The following RNFT2 variants were observed in gnomAD, a reference collection of about 807,000 sequenced individuals.
RNFT2 encodes the protein ring finger protein, transmembrane 2.
Under a neutral mutation model 53.0 loss-of-function variants are expected in RNFT2, and 36 were observed. The ratio of observed to expected loss-of-function variants is 0.68; its 90% CI spans 0.52 to 0.90. The LOEUF (loss-of-function observed/expected upper bound fraction) is 0.90, where lower values mean the gene tolerates loss of function less well. RNFT2 is among the 40% of genes least tolerant of loss of function. The probability of loss-of-function intolerance (pLI) is 0.00; values close to 1 mark genes in which losing one functional copy is unlikely to be tolerated. For missense variants in RNFT2, 514 were observed against 585.6 expected (o/e 0.88, Z 1.26); for synonymous variants, 260 against 253.2 (o/e 1.03, Z -0.26).
intron 3 of RNFT2, among the ~76,000 whole-genome samples, chr12:116,742,613 T>C (rs9669021): frequency 6.6e-6 from 1 of 151,988 alleles, no homozygotes; most frequent in African/African-American, 2.4e-5. Flanking sequence ...CCTAGATGAT[T>C]TAGGACAGGA....
At chr12:116,741,875 T>C (rs957360923) in intron 3 of RNFT2, among the ~76,000 whole-genome samples, 1 of 152,172 alleles carries the variant, frequency 6.6e-6, no homozygotes, top group Non-Finnish European at 1.5e-5. Context: ...GGCCTCAAAC[T>C]CCTGGGCTCA....
chr12:116,767,255 T>C (rs1872958757), intron 6 of RNFT2, among the ~76,000 whole-genome samples: 1 of 152,212 alleles, frequency 6.6e-6, no homozygotes, highest in Non-Finnish European at 1.5e-5. Context: ...AGGATCTCAC[T>C]GCATCACCCA....
intron 3 of RNFT2, among the ~76,000 whole-genome samples, chr12:116,741,743 G>T (rs1871618142): frequency 6.6e-6 from 1 of 152,110 alleles, no homozygotes; most frequent in African/African-American, 2.4e-5. Context: ...CCAAATCCTA[G>T]GCTCAAGCAA....
rs1877868686 is a variant in RNFT2, at chr12:116,850,585, C to G, written c.*1137C>G. 6.6e-6 allele frequency: 1 copy of G among 150,942 alleles called. No individual in the cohort carries two copies. Among genetic ancestry groups the G allele is most frequent in the South Asian group, 2.1e-4 (1 of 4,792 alleles). The allele number at this position is 150,942 out of a possible 1,614,324, so 9.4% of individuals were successfully genotyped here. ...AGCCCAGGCCTGCAGATTAGAATCC[C>G]TGTGAGCCCTGTGAAGTATTTTTTC... is the stretch of plus-strand genomic sequence containing the variant. On this transcript the variant is annotated 3_prime_UTR_variant, in exon 11 of 11. Coordinates refer to ENST00000257575, the MANE Select transcript of RNFT2 (RefSeq NM_001382266.1).
chr12:116,771,316 C>G (rs1429268688), intron 6 of RNFT2, among the ~76,000 whole-genome samples: 1 of 151,406 alleles, frequency 6.6e-6, no homozygotes, highest in African/African-American at 2.4e-5. Flanking sequence ...AAAAATTAGC[C>G]GGGCATGGTG....
Position 116,750,383 on chromosome 12 carries a change from C to T in RNFT2, c.550+76C>T, listed in dbSNP as rs538687287. The T allele has an allele frequency of 2.2e-5, 31 of 1,401,044 alleles. No individual in the cohort carries two copies. In the South Asian group the frequency reaches 3.5e-4, roughly 16 times the overall value. 86.8% of individuals were successfully genotyped at this position (1,401,044 alleles called of 1,614,324 possible). A position where few individuals can be genotyped will look rare whatever the true frequency, so the allele number is the denominator to read the frequency against. The stretch of plus-strand genomic sequence containing the variant: ...GCCTGCAGCCGGTGGGGTGGGGGCT[C>T]CTCCTCTGAAGCCCAGGGAGAGGCA... On this transcript the variant is annotated intron_variant, in intron 4 of 10. Coordinates refer to ENST00000257575, the MANE Select transcript of RNFT2 (RefSeq NM_001382266.1).
intron 7 of RNFT2, among the ~76,000 whole-genome samples, chr12:116,785,117 C>T (rs1873871104): frequency 6.6e-6 from 1 of 152,132 alleles, no homozygotes; most frequent in African/African-American, 2.4e-5. Flanking sequence ...CCTCCTGTCT[C>T]GGCCTCTTGC....
chr12:116,806,382 ATATAT>A (rs1333008121), intron 7 of RNFT2, among the ~76,000 whole-genome samples: 345 of 126,682 alleles, frequency 2.7e-3, no homozygotes, highest in African/African-American at 0.011. Context: ...AAAAAAAAAA[ATATAT>A]ATATATATAT....
intron 7 of RNFT2, among the ~76,000 whole-genome samples, chr12:116,790,669 C>T (rs1475049493): frequency 6.6e-6 from 1 of 152,112 alleles, no homozygotes; most frequent in Non-Finnish European, 1.5e-5. Context: ...ATAAAATTAA[C>T]CATTAGGCTG....
chr12:116,803,777 G>C lies in RNFT2; in HGVS notation c.882+24429G>C, dbSNP rs141435711. Reference sequence around the variant, plus strand: ...ATAAAAGTCATCTGGAGAGCCTTGAGTAGCAGGGGGATGAGACCTCAGTCT... The same window carrying C: ...ATAAAAGTCATCTGGAGAGCCTTGACTAGCAGGGGGATGAGACCTCAGTCT... On this transcript the variant is annotated intron_variant, in intron 7 of 10. Transcript: ENST00000257575. Among the ~76,000 whole-genome samples, 263 of 152,358 alleles carry C rather than the reference G, an allele frequency of 1.7e-3. 1 individual carries two copies. Among genetic ancestry groups the C allele is most frequent in the African/African-American group, 5.7e-3 (239 of 41,590 alleles).
At chr12:116,840,435 T>C (rs555674013) in intron 10 of RNFT2, among the ~76,000 whole-genome samples, 1 of 152,318 alleles carries the variant, frequency 6.6e-6, no homozygotes, top group East Asian at 1.9e-4. Flanking sequence ...TCCACAAGGC[T>C]TGGTCTCAGG....
At chr12:116,779,402 G>T in intron 7 of RNFT2, 54 bp downstream of exon 7, 2 of 1,591,668 alleles carry the variant, frequency 1.3e-6, no homozygotes, top group Non-Finnish European at 1.7e-6. Context: ...TCATGCAGAG[G>T]ATTCAGGGTG....
In RNFT2 at chr12:116,740,379, A is replaced by G. The variant is rs564289637; in HGVS notation, c.-119A>G. On this transcript the variant is annotated 5_prime_UTR_variant, in exon 2 of 11. Coordinates refer to ENST00000257575, the MANE Select transcript of RNFT2 (RefSeq NM_001382266.1). ...CTCTGGCAAGCTCCCCTGACTGTGC[A>G]TCCCTCTGGAGACGAAGAGGAGGGG... is the stretch of plus-strand genomic sequence containing the variant. 6 of 964,546 alleles carry G rather than the reference A, an allele frequency of 6.2e-6. No individual in the cohort carries two copies. The highest frequency in any genetic ancestry group is 2.8e-4 in the Middle Eastern group (1 of 3,620). The allele number at this position is 964,546 out of a possible 1,614,324, so 59.7% of individuals were successfully genotyped here.
At chr12:116,820,873 G>A (rs1875976822) in intron 7 of RNFT2, among the ~76,000 whole-genome samples, 1 of 152,130 alleles carries the variant, frequency 6.6e-6, no homozygotes, top group African/African-American at 2.4e-5. Flanking sequence ...GGTACTAAGT[G>A]TTCAACCGAG....
chr12:116,793,628 C>T (rs1470212925), intron 7 of RNFT2, among the ~76,000 whole-genome samples: 1 of 152,206 alleles, frequency 6.6e-6, no homozygotes, highest in Non-Finnish European at 1.5e-5. Context: ...GCCTCCAAAG[C>T]ACCCAGCGCC....
intron 3 of RNFT2, among the ~76,000 whole-genome samples, chr12:116,745,742 C>T (rs1178572106): frequency 6.6e-6 from 1 of 152,226 alleles, no homozygotes; most frequent in African/African-American, 2.4e-5. Flanking sequence ...CATTATTTCA[C>T]TTGCAGGCCT....
Position 116,764,800 on chromosome 12 carries a change from G to T in RNFT2, c.628-2014G>T, listed in dbSNP as rs145673228. On this transcript the variant is annotated intron_variant, in intron 5 of 10. Transcript: ENST00000257575. Reference sequence around the variant, plus strand: ...CCAGCCACTTGGGAGGCTGAGGCAGGAGAACCACTTGAACCCAGGAGGCGG... The same window carrying T: ...CCAGCCACTTGGGAGGCTGAGGCAGTAGAACCACTTGAACCCAGGAGGCGG... Among the ~76,000 whole-genome samples, 185 of 152,320 alleles carry T rather than the reference G, an allele frequency of 1.2e-3. 1 individual carries two copies. Among genetic ancestry groups the T allele is most frequent in the African/African-American group, 4.2e-3 (173 of 41,578 alleles).
chr12:116,783,610 C>G (rs1873805721), intron 7 of RNFT2, among the ~76,000 whole-genome samples: 1 of 152,244 alleles, frequency 6.6e-6, no homozygotes, highest in African/African-American at 2.4e-5. Flanking sequence ...TCCCTGTGCC[C>G]AGCTACAGCC....
At chr12:116,757,383 T>C (rs1198471058) in intron 5 of RNFT2, among the ~76,000 whole-genome samples, 1 of 152,154 alleles carries the variant, frequency 6.6e-6, no homozygotes, top group Non-Finnish European at 1.5e-5. Context: ...GGTTTCTTCT[T>C]GTTTCTCTAG....
Sources: allele counts gnomAD v4.1 joint callset (sites outside exome capture counted in the v4.1 genomes callset), GRCh38; gene constraint gnomAD v4.1.1; transcripts MANE v1.5; gene names NCBI Gene and HGNC (gene_info 2026-07-23, HGNC 2026-07-21).